IFT70A: variants seen among roughly 807,000 people sequenced by gnomAD.
The protein encoded by IFT70A is intraflagellar transport 70A, also known as intraflagellar transport protein 70A.
chr2:177,618,525 C>T, the IFT70A span: 13 of 1,590,262 alleles, frequency 8.2e-6, no homozygotes, highest in Non-Finnish European at 1.0e-5. Flanking sequence ...GCGCGAACTC[C>T]TGCAGGCGGT....
the IFT70A span, chr2:177,617,205 A>G: frequency 6.2e-7 from 1 of 1,605,540 alleles, no homozygotes; most frequent in Non-Finnish European, 8.5e-7. Context: ...TAGCCAGTAC[A>G]ATAGCACTGA....
chr2:177,618,698 C>T, the IFT70A span: 4 of 1,569,310 alleles, frequency 2.5e-6, no homozygotes, highest in Admixed American at 5.4e-5. Flanking sequence ...CTCAGACCAG[C>T]CATAACCACC....
chr2:177,617,523 G>A, the IFT70A span: 26 of 1,614,108 alleles, frequency 1.6e-5, no homozygotes, highest in Non-Finnish European at 2.2e-5. Flanking sequence ...CTTGCTTGGT[G>A]AGTCTCCGAA....
chr2:177,617,843 G>A, the IFT70A span: 2 of 1,614,056 alleles, frequency 1.2e-6, no homozygotes, highest in Non-Finnish European at 1.7e-6. Context: ...AGGGTCACAG[G>A]GTCCAACTCT....
chr2:177,618,490 AG>A, the IFT70A span: 1 of 1,585,802 alleles, frequency 6.3e-7, no homozygotes, highest in South Asian at 1.1e-5. Context: ...CAGCTGGCCC[AG>A]CTGCTCATAG....
At chr2:177,616,973 T>G in the IFT70A span, 1 of 1,611,642 alleles carries the variant, frequency 6.2e-7, no homozygotes, top group Non-Finnish European at 8.5e-7. Flanking sequence ...GTTCCCAGCT[T>G]TTTATTATAA....
At chr2:177,614,426 CA>C in the IFT70A span, 2 of 152,072 alleles carry the variant, frequency 1.3e-5, no homozygotes, top group East Asian at 3.8e-4. Context: ...GAGGCTACCA[CA>C]AATATATAAA....
chr2:177,617,987 C>T, the IFT70A span: 1 of 1,614,228 alleles, frequency 6.2e-7, no homozygotes. Context: ...GTGTTGCCAA[C>T]ACTGCGAACA....
the IFT70A span, chr2:177,618,717 T>A: frequency 3.3e-6 from 5 of 1,533,110 alleles, no homozygotes; most frequent in African/African-American, 5.5e-5. Context: ...CCACGGCTGT[T>A]ATGCGTGCGG....
chr2:177,617,865 G>A, the IFT70A span: 2 of 1,614,160 alleles, frequency 1.2e-6, no homozygotes, highest in Middle Eastern at 1.6e-4. Context: ...CCTCTGCCCT[G>A]GGTGGCATGT....
chr2:177,613,652 G>C, the IFT70A span: 1 of 152,174 alleles, frequency 6.6e-6, no homozygotes, highest in Non-Finnish European at 1.5e-5. Flanking sequence ...GAGTGCTGGT[G>C]AAACTTTTAG....
At chr2:177,618,104 T>C in the IFT70A span, 1 of 1,614,204 alleles carries the variant, frequency 6.2e-7, no homozygotes, top group Non-Finnish European at 8.5e-7. Context: ...TGTCGGCTGC[T>C]GTAATAGGCC....
At chr2:177,614,173 T>C in the IFT70A span, 2 of 152,100 alleles carry the variant, frequency 1.3e-5, no homozygotes, top group Non-Finnish European at 1.5e-5. Context: ...AATCACTTAG[T>C]AAAGACTCAC....
chr2:177,617,609 G>C, the IFT70A span: 42 of 1,614,116 alleles, frequency 2.6e-5, no homozygotes, highest in South Asian at 2.5e-4. Context: ...CAAGTGATCA[G>C]GGCATCTAAG....
the IFT70A span, chr2:177,614,907 C>G: frequency 2.0e-5 from 3 of 152,194 alleles, no homozygotes; most frequent in Non-Finnish European, 4.4e-5. Flanking sequence ...TTCTATGTGG[C>G]TTTGACCTTT....
chr2:177,616,963 G>A, the IFT70A span: 1 of 1,610,718 alleles, frequency 6.2e-7, no homozygotes, highest in Non-Finnish European at 8.5e-7. Flanking sequence ...CCAGGTATCT[G>A]TTCCCAGCTT....
At chr2:177,615,395 G>C in the IFT70A span, 2 of 152,262 alleles carry the variant, frequency 1.3e-5, no homozygotes, top group East Asian at 3.9e-4. Flanking sequence ...AGGAAGTTAA[G>C]AGAATTATAC....
the IFT70A span, chr2:177,613,547 T>C: frequency 6.6e-6 from 1 of 152,210 alleles, no homozygotes; most frequent in Non-Finnish European, 1.5e-5. Context: ...GTTGAGACTC[T>C]GATTAGAAAA....
chr2:177,614,659 C>T, the IFT70A span: 1 of 152,134 alleles, frequency 6.6e-6, no homozygotes, highest in Non-Finnish European at 1.5e-5. Context: ...TCTTTTATAC[C>T]TGGTTGAGGT....
Sources: gnomAD v4.1 joint callset for allele counts on GRCh38, gnomAD v4.1.1 for gene constraint, MANE v1.5 for transcripts, NCBI Gene and HGNC (gene_info 2026-07-23, HGNC 2026-07-21) for gene names.